The following RYR1 variants were observed in gnomAD, a reference collection of about 807,000 sequenced individuals.
RYR1 encodes ryanodine receptor 1.
A neutral mutation model predicts 583.5 loss-of-function variants in RYR1; 342 were observed. That is an observed-to-expected ratio of 0.59 (90% CI 0.54 to 0.64). The LOEUF (loss-of-function observed/expected upper bound fraction) is 0.64, where lower values mean the gene tolerates loss of function less well. RYR1 is among the 30% of genes least tolerant of loss of function. The probability of loss-of-function intolerance (pLI) is 0.00; values close to 1 mark genes in which losing one functional copy is unlikely to be tolerated. For missense variants in RYR1, 6,032 were observed against 6,917.2 expected, an observed-to-expected ratio of 0.87 and a Z score of 4.54; for synonymous variants, 2,791 against 2,822.5, an observed-to-expected ratio of 0.99 and a Z score of 0.35.
At chr19:38,497,207 G>A (rs534067287) in intron 42 of RYR1, among the ~76,000 whole-genome samples, 12 of 152,098 alleles carry the variant, frequency 7.9e-5, no homozygotes, top group African/African-American at 2.7e-4. Flanking sequence ...ACGCTTCCGG[G>A]ATGGGGGCGG....
chr19:38,442,454 G>A lies in RYR1; in HGVS notation c.270+1G>A. 1 of 1,611,762 alleles carries A rather than the reference G, an allele frequency of 6.2e-7. No homozygotes were observed. The highest frequency in any genetic ancestry group is 8.5e-7 in the Non-Finnish European group (1 of 1,178,098). On this transcript the variant is annotated splice_donor_variant, in intron 3 of 105. Transcript: ENST00000359596. LOFTEE classifies it high-confidence loss of function. Reference sequence around the variant, plus strand: ...TAACACGGTGGAGGCTGGCGTGGAGGTGAGGACCCCACCTGGGGGTGGGCG... The same window carrying A: ...TAACACGGTGGAGGCTGGCGTGGAGATGAGGACCCCACCTGGGGGTGGGCG...
chr19:38,555,034 G>T (rs557397773), intron 89 of RYR1, among the ~76,000 whole-genome samples: 1 of 152,052 alleles, frequency 6.6e-6, no homozygotes, highest in East Asian at 1.9e-4. Flanking sequence ...CTTTGAAAAC[G>T]AACCCCATAC....
chr19:38,497,058 C>A, intron 42 of RYR1, 104 bp downstream of exon 42: 1 of 946,056 alleles, frequency 1.1e-6, no homozygotes, highest in Non-Finnish European at 1.7e-6. Flanking sequence ...GGGGGCAATT[C>A]TGGATGGTCC....
rs1219173500 is a variant in RYR1, at chr19:38,502,507, G to A, written c.7615G>A (p.Ala2539Thr). The A allele has an allele frequency of 6.3e-7, 1 of 1,596,314 alleles. No individual in the cohort carries two copies. Among genetic ancestry groups the A allele is most frequent in the Non-Finnish European group, 8.5e-7 (1 of 1,175,296 alleles). ...CTGATGTCCTCACCCTGCGCCCTAG[G>A]CCACTTTCAGCACCACCGAGATGGC... ...DMRAAASLDT[A>T]TFSTTEMALA... is the part of the protein sequence containing the mutation. Residue 2539 changes from alanine to threonine, a missense_variant and splice_region_variant, in exon 48 of 106, where the codon GCC becomes ACC. Physicochemically the swap from Ala to Thr is moderately conservative, Grantham distance 58. Transcript: ENST00000359596.
intron 13 of RYR1, 34 bp downstream of exon 13, chr19:38,453,048 G>A (rs544986983): frequency 1.2e-6 from 2 of 1,606,854 alleles, no homozygotes; most frequent in Non-Finnish European, 1.7e-6. Context: ...CGGGGCCTGT[G>A]GGCCCAGGGG....
chr19:38,451,588 T>G (rs551472778), intron 11 of RYR1, among the ~76,000 whole-genome samples, 176 bp from the exon 12 acceptor site: 1 of 149,498 alleles, frequency 6.7e-6, no homozygotes, highest in Non-Finnish European at 1.5e-5. Flanking sequence ...AGAGAGAGAA[T>G]CAAAGACACA....
In RYR1 at chr19:38,525,385, C is replaced by T. The variant is rs2145711834; in HGVS notation, c.10509C>T (p.Tyr3503=). Residue 3503 remains tyrosine (Y), a synonymous_variant, in exon 71 of 106, where the codon TAC becomes TAT. Transcript: ENST00000359596. ...AGAAGAAGCGCCGGGGGGACCGGTA[C>T]TCTGTGCAGACGTCACTGATCGTGG... ...RTKKKRRGDR[Y]SVQTSLIVAT... is the part of the protein sequence containing the mutation. The T allele has an allele frequency of 1.9e-6, 3 of 1,614,034 alleles. No individual in the cohort carries two copies. The highest frequency in any genetic ancestry group is 2.5e-6 in the Non-Finnish European group (3 of 1,179,992).
chr19:38,562,567 G>A (rs1170044180), intron 90 of RYR1, among the ~76,000 whole-genome samples: 1 of 152,054 alleles, frequency 6.6e-6, no homozygotes, highest in African/African-American at 2.4e-5. Flanking sequence ...CTCCTCAGGG[G>A]ACACCAGCTC....
rs377282283 is a variant in RYR1 at position 38,469,139 on chromosome 19, C to T, written c.3555C>T (p.Asp1185=). 157 of 1,614,172 alleles carry T rather than the reference C, an allele frequency of 9.7e-5. No individual in the cohort carries two copies. The highest frequency in any genetic ancestry group is 7.7e-4 in the African/African-American group (58 of 75,044). ...CCTTCCGGGAGATTGAGATTGGGGACGGTGAGGGCTGAGACCCCTTCACAT... is the reference window on the plus strand; with the variant it reads ...CCTTCCGGGAGATTGAGATTGGGGATGGTGAGGGCTGAGACCCCTTCACAT... The part of the protein sequence containing the change: ...ETAFREIEIG[D]GFLPVCSLGP... Residue 1185 remains aspartate, a splice_region_variant and synonymous_variant, in exon 26 of 106, where the codon GAC becomes GAT. Transcript: ENST00000359596.
chr19:38,580,321 G>A (rs1255881463), intron 100 of RYR1, 49 bp from the exon 101 acceptor site: 1 of 1,596,544 alleles, frequency 6.3e-7, no homozygotes, highest in South Asian at 1.1e-5. Context: ...GCAGGGTGGG[G>A]GGAGGGCAAG....
At chr19:38,584,806 A>G in intron 101 of RYR1, 137 bp from the exon 102 acceptor site, 2 of 974,500 alleles carry the variant, frequency 2.1e-6, no homozygotes, top group African/African-American at 1.6e-5. Context: ...CTGATGCCGT[A>G]TCTGTGAGCC....
At chr19:38,517,016 A>G (rs1329968617) in intron 65 of RYR1, among the ~76,000 whole-genome samples, 6 of 152,034 alleles carry the variant, frequency 3.9e-5, no homozygotes, top group Non-Finnish European at 7.3e-5. Flanking sequence ...AGGCGGGGAG[A>G]CAGGGTGGGG....
chr19:38,557,862 C>T (rs1972947892), intron 89 of RYR1, among the ~76,000 whole-genome samples: 1 of 151,986 alleles, frequency 6.6e-6, no homozygotes, highest in South Asian at 2.1e-4. Flanking sequence ...TGCCTGTATT[C>T]CCAGCTACTC....
chr19:38,491,239 C>G (rs558771364), intron 37 of RYR1, among the ~76,000 whole-genome samples: 17 of 152,112 alleles, frequency 1.1e-4, no homozygotes, highest in Non-Finnish European at 2.2e-4. Flanking sequence ...GTGTAGAGCT[C>G]TTTGAATTTA....
rs1443551079 is a variant in RYR1 at position 38,485,217 on chromosome 19, G to A, written c.4935-373G>A. Among the ~76,000 whole-genome samples, 4 of 152,070 alleles carry A rather than the reference G, an allele frequency of 2.6e-5. No homozygotes were observed. In the East Asian group the frequency reaches 7.7e-4, roughly 29 times the overall value. ...ACATGGACTCTCAGACTCTTACGAA[G>A]TCCCAGACCATCCCAGGGACCCCAG... is the stretch of plus-strand genomic sequence containing the variant. On this transcript the variant is annotated intron_variant, in intron 33 of 105. Coordinates refer to ENST00000359596, the MANE Select transcript of RYR1 (RefSeq NM_000540.3).
At chr19:38,439,065 C>T (rs565008837) in intron 1 of RYR1, among the ~76,000 whole-genome samples, 1 of 152,094 alleles carries the variant, frequency 6.6e-6, no homozygotes, top group Non-Finnish European at 1.5e-5. Flanking sequence ...TATTTAGTGC[C>T]TAGAACAGCA....
intron 25 of RYR1, 29 bp downstream of exon 25, chr19:38,467,841 C>T (rs375211919): frequency 1.2e-6 from 2 of 1,608,918 alleles, no homozygotes; most frequent in African/African-American, 1.3e-5. Flanking sequence ...ACCATTCTGC[C>T]AGGTCCTGTG....
Position 38,494,608 on chromosome 19 carries a change from C to A in RYR1, c.6531C>A (p.Leu2177=), listed in dbSNP as rs749542761. The A allele has an allele frequency of 6.2e-7, 1 of 1,614,128 alleles. No individual in the cohort carries two copies. The highest frequency in any genetic ancestry group is 1.7e-5 in the Admixed American group (1 of 60,026). ...AGATGGGCCCCCAGGAGGAGAACCTCATGATCCAGAGCATCGGGTGAGACA... is the reference window on the plus strand; with the variant it reads ...AGATGGGCCCCCAGGAGGAGAACCTAATGATCCAGAGCATCGGGTGAGACA... The part of the protein sequence containing the change: ...IVQMGPQEEN[L]MIQSIGNIMN... Residue 2177 remains leucine, a synonymous_variant, in exon 39 of 106, where the codon CTC becomes CTA. Coordinates refer to ENST00000359596, the MANE Select transcript of RYR1 (RefSeq NM_000540.3).
At chr19:38,514,790 TACTC>T (rs1273217274) in intron 63 of RYR1, among the ~76,000 whole-genome samples, 4 of 152,104 alleles carry the variant, frequency 2.6e-5, no homozygotes, top group African/African-American at 9.7e-5. Flanking sequence ...ACTCATTTGA[TACTC>T]ACGACCACCC....
Sources: gnomAD v4.1 joint callset for allele counts (sites outside exome capture counted in the v4.1 genomes callset) on GRCh38, gnomAD v4.1.1 for gene constraint, MANE v1.5 for transcripts, NCBI Gene and HGNC (gene_info 2026-07-23, HGNC 2026-07-21) for gene names.